Variants in KRT86 observed in about 807,000 individuals in gnomAD.
KRT86 encodes keratin 86.
A neutral mutation model predicts 41.2 loss-of-function variants in KRT86; 30 were observed. The observed-to-expected ratio is 0.73, with a 90% CI of 0.54 to 0.99. The LOEUF (loss-of-function observed/expected upper bound fraction) is 0.99. KRT86 is among the 50% of genes least tolerant of loss of function. The pLI is 0.00. For missense variants in KRT86, 561 were observed against 571.4 expected, an observed-to-expected ratio of 0.98 and a Z score of 0.19; for synonymous variants, 238 against 238.1, an observed-to-expected ratio of 1.00 and a Z score of 0.00.
chr12:52,305,696 G>C lies in KRT86; in HGVS notation c.934G>C (p.Gly312Arg). ...EEMKATVIRH[G>R]ETLRRTKEEI... ...GATGAAGGCCACGGTGATCAGGCAC[G>C]GGGAGACCCTGCGCCGCACCAAGGA... is the stretch of plus-strand genomic sequence containing the variant. Residue 312 changes from glycine (G) to arginine (R), a missense_variant, in exon 8 of 11, where the codon GGG becomes CGG. Coordinates refer to ENST00000423955, the MANE Select transcript of KRT86 (RefSeq NM_001320198.2). 6.2e-6 allele frequency: 10 copies of C among 1,614,094 alleles called. No homozygotes were observed. Among genetic ancestry groups the C allele is most frequent in the Non-Finnish European group, 7.6e-6 (9 of 1,179,952 alleles).
At chr12:52,292,889 C>A (rs1017880500) in intron 2 of KRT86, among the ~76,000 whole-genome samples, 1 of 152,216 alleles carries the variant, frequency 6.6e-6, no homozygotes, top group African/African-American at 2.4e-5. Context: ...GTAATCCCAG[C>A]ACTTTGGGAG....
At chr12:52,305,140 G>C in intron 6 of KRT86, 100 bp from the exon 7 acceptor site, 1 of 1,607,144 alleles carries the variant, frequency 6.2e-7, no homozygotes, top group East Asian at 2.2e-5. Context: ...CTGTGTGAGG[G>C]GGCAGGGTTG....
intron 2 of KRT86, among the ~76,000 whole-genome samples, chr12:52,276,799 C>T (rs1367516640): frequency 6.6e-6 from 1 of 152,206 alleles, no homozygotes; most frequent in African/African-American, 2.4e-5. Flanking sequence ...TTAACCCACC[C>T]ACCTCCCAGC....
chr12:52,282,281 G>A (rs1937791873), intron 2 of KRT86, among the ~76,000 whole-genome samples: 2 of 150,222 alleles, frequency 1.3e-5, no homozygotes, highest in Non-Finnish European at 3.0e-5. Context: ...CGCCCAGGCT[G>A]GACTGCAGTG....
intron 9 of KRT86, chr12:52,307,188 T>A (rs1327503870): frequency 1.3e-5 from 2 of 152,190 alleles, no homozygotes; most frequent in African/African-American, 4.8e-5. Context: ...TATGACGAGA[T>A]TTCCACCAAA....
At chr12:52,283,447 G>A (rs1296526023) in intron 2 of KRT86, among the ~76,000 whole-genome samples, 1 of 114,554 alleles carries the variant, frequency 8.7e-6, no homozygotes, top group African/African-American at 3.2e-5. Context: ...GGTAAGGGAT[G>A]TTAGTAGCCA....
chr12:52,294,212 C>T (rs1276321438), intron 2 of KRT86, among the ~76,000 whole-genome samples: 1 of 152,168 alleles, frequency 6.6e-6, no homozygotes, highest in Non-Finnish European at 1.5e-5. Context: ...GGTTGGGTGT[C>T]CTGAGGAGCA....
rs1938395022 is a variant in KRT86, at chr12:52,302,033, C to CGGCCTCA, written c.118_124dup (p.Thr42ArgfsTer117). The CGGCCTCA allele has an allele frequency of 6.2e-7, 1 of 1,609,912 alleles. No individual in the cohort carries two copies. Among genetic ancestry groups the CGGCCTCA allele is most frequent in the Non-Finnish European group, 8.5e-7 (1 of 1,178,384 alleles). On this transcript the variant is annotated frameshift_variant, in exon 3 of 11. Transcript: ENST00000423955. LOFTEE classifies it high-confidence loss of function. Reference sequence around the variant, plus strand: ...CCTACCGTGGCATCTCCTGCTACCGCGGCCTCACCGGGGGCTTCGGCAGCC... The same window carrying CGGCCTCA: ...CCTACCGTGGCATCTCCTGCTACCGCGGCCTCAGGCCTCACCGGGGGCTTCGGCAGCC...
At chr12:52,288,375 G>A (rs145562431) in intron 2 of KRT86, 54 of 1,613,982 alleles carry the variant, frequency 3.3e-5, no homozygotes, top group African/African-American at 3.1e-4. Context: ...TCATACAGCC[G>A]CCTCAGGAAG....
chr12:52,284,428 G>C (rs10876269), intron 2 of KRT86, among the ~76,000 whole-genome samples: 127,898 of 152,190 alleles, frequency 0.84, 53,911 homozygotes, highest in African/African-American at 0.89. Context: ...GGGCTCAAGC[G>C]ATCTTTTCAC....
chr12:52,287,427 G>A, intron 2 of KRT86: 1 of 1,570,568 alleles, frequency 6.4e-7, no homozygotes, highest in East Asian at 2.3e-5. Context: ...CCCCAGAACA[G>A]AGCCTCTTGC....
intron 9 of KRT86, chr12:52,307,183 C>T (rs6580876): frequency 0.56 from 85,428 of 151,992 alleles, 25,290 homozygotes; most frequent in African/African-American, 0.74. Flanking sequence ...GACCATATGA[C>T]GAGATTTCCA....
intron 2 of KRT86, among the ~76,000 whole-genome samples, chr12:52,297,133 T>C (rs1422565743): frequency 6.6e-6 from 1 of 152,246 alleles, no homozygotes; most frequent in African/African-American, 2.4e-5. Flanking sequence ...AACACTGTCC[T>C]GCCCGCCTTT....
At chr12:52,286,403 C>G (rs1937935842) in intron 2 of KRT86, 2 of 1,554,808 alleles carry the variant, frequency 1.3e-6, no homozygotes, top group Non-Finnish European at 1.7e-6. Flanking sequence ...GTTCCCGTTG[C>G]ACGGAGCGCT....
chr12:52,301,413 CG>C (rs1938372148), intron 2 of KRT86, among the ~76,000 whole-genome samples: 1 of 151,914 alleles, frequency 6.6e-6, no homozygotes, highest in Non-Finnish European at 1.5e-5. Flanking sequence ...AACCACCAAG[CG>C]CCCCCCAAGT....
chr12:52,298,785 TTTTATTTA>T (rs201280460), intron 2 of KRT86, among the ~76,000 whole-genome samples: 1 of 151,834 alleles, frequency 6.6e-6, no homozygotes, highest in South Asian at 2.1e-4. Context: ...TATTCAAACT[TTTTATTTA>T]TTTATTTATT....
At chr12:52,296,891 G>T (rs1260028883) in intron 2 of KRT86, among the ~76,000 whole-genome samples, 2 of 152,250 alleles carry the variant, frequency 1.3e-5, no homozygotes, top group African/African-American at 4.8e-5. Context: ...CAGATGTAGA[G>T]CCTACAGGCT....
intron 2 of KRT86, among the ~76,000 whole-genome samples, chr12:52,280,089 T>C (rs1737941449): frequency 6.6e-6 from 1 of 152,138 alleles, no homozygotes; most frequent in South Asian, 2.1e-4. Context: ...ATGAACACAA[T>C]TGGGTGGCCC....
intron 2 of KRT86, among the ~76,000 whole-genome samples, chr12:52,284,447 C>A (rs1390845673): frequency 6.6e-6 from 1 of 152,152 alleles, no homozygotes; most frequent in African/African-American, 2.4e-5. Context: ...ACCTTGGCCT[C>A]CTAAAGTGTT....
Sources: gnomAD v4.1 joint callset for allele counts (sites outside exome capture counted in the v4.1 genomes callset) on GRCh38, gnomAD v4.1.1 for gene constraint, MANE v1.5 for transcripts, NCBI Gene and HGNC (gene_info 2026-07-23, HGNC 2026-07-21) for gene names.